MDGA2: variants seen among roughly 807,000 people sequenced by gnomAD.
The protein encoded by MDGA2 is MAM domain-containing glycosylphosphatidylinositol anchor protein 2.
In MDGA2, 40 loss-of-function variants were observed where a neutral mutation model predicts 117.8. The observed-to-expected ratio is 0.34, with a 90% CI of 0.26 to 0.44. The LOEUF (loss-of-function observed/expected upper bound fraction) is 0.44, where lower values mean the gene tolerates loss of function less well. MDGA2 is among the 20% of genes least tolerant of loss of function. The pLI is 1.00. For missense variants in MDGA2, 1,123 were observed against 1,250.6 expected (o/e 0.90, Z 1.54); for synonymous variants, 452 against 439.0 (o/e 1.03, Z -0.37).
chr14:47,087,882 C>A (rs935434008), intron 6 of MDGA2, among the ~76,000 whole-genome samples: 3 of 151,048 alleles, frequency 2.0e-5, no homozygotes, highest in African/African-American at 7.3e-5. Context: ...TGAATAAAAT[C>A]CCTCTTTTCT....
At chr14:47,298,396 A>G (rs1044240538) in intron 2 of MDGA2, among the ~76,000 whole-genome samples, 3 of 152,196 alleles carry the variant, frequency 2.0e-5, no homozygotes, top group Admixed American at 2.0e-4. Context: ...GAAATAAACA[A>G]TCTTTATGAC....
intron 1 of MDGA2, among the ~76,000 whole-genome samples, chr14:47,593,568 T>A (rs1013965069): frequency 1.3e-5 from 2 of 152,162 alleles, no homozygotes; most frequent in Non-Finnish European, 2.9e-5. Flanking sequence ...CGAGACCATG[T>A]CCTTTGCAGG....
At chr14:47,134,852 T>G (rs537883543) in intron 4 of MDGA2, among the ~76,000 whole-genome samples, 1 of 151,812 alleles carries the variant, frequency 6.6e-6, no homozygotes, top group East Asian at 1.9e-4. Context: ...AAAGATTTAC[T>G]GCATGTAGTC....
intron 1 of MDGA2, among the ~76,000 whole-genome samples, chr14:47,637,929 T>C (rs904793820): frequency 2.6e-5 from 4 of 152,210 alleles, no homozygotes; most frequent in Admixed American, 2.0e-4. Flanking sequence ...CCCAAAGAGA[T>C]GATATGACAC....
At chr14:46,945,840 C>A (rs1042885913) in intron 9 of MDGA2, among the ~76,000 whole-genome samples, 1 of 151,928 alleles carries the variant, frequency 6.6e-6, no homozygotes, top group South Asian at 2.1e-4. Flanking sequence ...ATTTTATGGT[C>A]GTTTGTAGTA....
At chr14:46,965,532 A>G (rs1885992499) in intron 8 of MDGA2, among the ~76,000 whole-genome samples, 1 of 152,184 alleles carries the variant, frequency 6.6e-6, no homozygotes, top group Non-Finnish European at 1.5e-5. Flanking sequence ...CTTTGATTCC[A>G]GGGTGGTTTC....
rs531924855 is a variant in MDGA2 at position 47,364,555 on chromosome 14, C to T, written c.281-63005G>A. ...CTGGGATTACAGGCGTGAGCCACCGCGCCGGCCCCAGAATTAAATTAAATG... is the reference window on the plus strand; with the variant it reads ...CTGGGATTACAGGCGTGAGCCACCGTGCCGGCCCCAGAATTAAATTAAATG... On this transcript the variant is annotated intron_variant, in intron 1 of 16. Transcript: ENST00000399232. Among the ~76,000 whole-genome samples the T allele has an allele frequency of 6.8e-4, 104 of 152,292 alleles. No individual in the cohort carries two copies. The South Asian group carries it at 6.8e-3, about 10-fold the overall frequency.
chr14:46,911,353 A>G (rs1042259707), intron 10 of MDGA2, among the ~76,000 whole-genome samples: 3 of 152,214 alleles, frequency 2.0e-5, no homozygotes, highest in African/African-American at 7.2e-5. Flanking sequence ...ATAGTCCATT[A>G]CTGAGTAGTT....
intron 1 of MDGA2, among the ~76,000 whole-genome samples, chr14:47,458,362 A>G (rs1893407600): frequency 6.6e-6 from 1 of 152,120 alleles, no homozygotes; most frequent in Admixed American, 6.6e-5. Context: ...GCCAAGACCA[A>G]TATCAAGCAG....
At chr14:47,015,271 G>T (rs993076372) in intron 8 of MDGA2, among the ~76,000 whole-genome samples, 30 of 151,092 alleles carry the variant, frequency 2.0e-4, no homozygotes, top group African/African-American at 6.6e-4. Context: ...TTGAAATATT[G>T]CAAGAATTAC....
At chr14:47,247,918 G>A (rs1887303059) in intron 2 of MDGA2, among the ~76,000 whole-genome samples, 1 of 151,290 alleles carries the variant, frequency 6.6e-6, no homozygotes, top group African/African-American at 2.4e-5. Context: ...TCCTGGGTTA[G>A]TTTGCTGAGA....
intron 1 of MDGA2, among the ~76,000 whole-genome samples, chr14:47,457,689 A>T (rs961906312): frequency 5.9e-5 from 9 of 152,132 alleles, no homozygotes; most frequent in Admixed American, 1.3e-4. Context: ...AGCTACTTTT[A>T]AAAAATTTAG....
chr14:47,671,602 A>G (rs1314052274), intron 1 of MDGA2, among the ~76,000 whole-genome samples: 2 of 152,234 alleles, frequency 1.3e-5, no homozygotes, highest in African/African-American at 2.4e-5. Context: ...CTATTGAGAA[A>G]TATTACTTTG....
At chr14:47,401,008 C>T (rs1368114748) in intron 1 of MDGA2, among the ~76,000 whole-genome samples, 1 of 151,392 alleles carries the variant, frequency 6.6e-6, no homozygotes, top group Non-Finnish European at 1.5e-5. Context: ...CCGCTCACCT[C>T]GGCCTCCTAA....
intron 3 of MDGA2, among the ~76,000 whole-genome samples, chr14:47,178,078 G>A (rs116099549): frequency 0.012 from 1,808 of 152,104 alleles, 36 homozygotes; most frequent in African/African-American, 0.041. Context: ...CACATTGAGG[G>A]GGTTGGGTAT....
intron 1 of MDGA2, among the ~76,000 whole-genome samples, chr14:47,543,554 C>T (rs1341776432): frequency 6.6e-6 from 1 of 152,178 alleles, no homozygotes; most frequent in Non-Finnish European, 1.5e-5. Context: ...AACTTCTGAG[C>T]AGATGACACC....
intron 1 of MDGA2, among the ~76,000 whole-genome samples, chr14:47,570,598 A>G (rs1246842611): frequency 2.0e-5 from 3 of 152,144 alleles, no homozygotes; most frequent in African/African-American, 7.2e-5. Context: ...CAGAAACAAC[A>G]CTACACATCT....
At chr14:47,630,338 T>C (rs542945578) in intron 1 of MDGA2, among the ~76,000 whole-genome samples, 62 of 152,200 alleles carry the variant, frequency 4.1e-4, no homozygotes, top group Admixed American at 1.5e-3. Flanking sequence ...AATTTTTAGC[T>C]TGTAATTTGA....
At chr14:47,312,113 A>G (rs1241293389) in intron 1 of MDGA2, among the ~76,000 whole-genome samples, 2 of 152,198 alleles carry the variant, frequency 1.3e-5, no homozygotes, top group East Asian at 3.9e-4. Flanking sequence ...TTTTTAAAAT[A>G]TTAGGCTTTG....
Sources: allele counts gnomAD v4.1 joint callset (sites outside exome capture counted in the v4.1 genomes callset), GRCh38; gene constraint gnomAD v4.1.1; transcripts MANE v1.5; gene names NCBI Gene and HGNC (gene_info 2026-07-23, HGNC 2026-07-21).